Variants in MICAL2 observed in about 807,000 individuals in gnomAD.
MICAL2 encodes the protein microtubule associated monooxygenase, calponin and LIM domain containing 2.
Under a neutral mutation model 127.3 loss-of-function variants are expected in MICAL2, and 77 were observed. The ratio of observed to expected loss-of-function variants is 0.60; its 90% CI spans 0.50 to 0.73. The LOEUF (loss-of-function observed/expected upper bound fraction) is 0.73. MICAL2 is among the 30% of genes least tolerant of loss of function. MICAL2 has a pLI of 0.00. For missense variants in MICAL2, 1,351 were observed against 1,434.4 expected, an observed-to-expected ratio of 0.94 and a Z score of 0.94; for synonymous variants, 570 against 551.1, an observed-to-expected ratio of 1.03 and a Z score of -0.48.
downstream of MICAL2, among the ~76,000 whole-genome samples, chr11:12,360,119 TA>T (rs369069433): frequency 8.3e-5 from 12 of 144,874 alleles, no homozygotes; most frequent in African/African-American, 2.6e-4. Context: ...TTTTTTTTTT[TA>T]AAAAAAAAAT....
intron 1 of MICAL2, among the ~76,000 whole-genome samples, chr11:12,280,620 T>C (rs1863761457): frequency 6.6e-6 from 1 of 152,180 alleles, no homozygotes; most frequent in Non-Finnish European, 1.5e-5. Context: ...CATTTCCTCT[T>C]CTTAGAAAGA....
chr11:12,258,884 C>A (rs572809157), intron 25 of MICAL2, among the ~76,000 whole-genome samples: 10 of 152,356 alleles, frequency 6.6e-5, no homozygotes, highest in African/African-American at 2.4e-4. Context: ...TACCTGGAAC[C>A]CACCTGGCCA....
At chr11:12,158,691 A>G (rs552549443) in intron 2 of MICAL2, among the ~76,000 whole-genome samples, 93 of 152,366 alleles carry the variant, frequency 6.1e-4, no homozygotes, top group African/African-American at 1.9e-3. Flanking sequence ...ATCATTTTAT[A>G]TAAGGGACTT....
At chr11:12,223,575 TG>T in intron 12 of MICAL2, 74 bp downstream of exon 12, 1 of 1,367,786 alleles carries the variant, frequency 7.3e-7, no homozygotes, top group Non-Finnish European at 1.0e-6. Context: ...TCAGTGACCG[TG>T]GTGACACAGG....
At position 12,220,462 on chromosome 11, in the gene MICAL2, C is replaced by T. The variant is rs200883778; in HGVS notation, c.1206+4C>T. On this transcript the variant is annotated splice_donor_region_variant and intron_variant, in intron 9 of 27. Transcript: ENST00000683283. ...TGTGGGTGACAGCTTGCTTGAGGTA[C>T]TGCCTGAGCTCGGAGCCCCCATGTT... is the stretch of plus-strand genomic sequence containing the variant. The T allele has an allele frequency of 4.3e-5, 69 of 1,605,876 alleles. No homozygotes were observed. The highest frequency in any genetic ancestry group is 5.9e-6 in the Non-Finnish European group (7 of 1,179,504).
At chr11:12,327,468 C>T (rs1864367965) in intron 32 of MICAL2, among the ~76,000 whole-genome samples, 1 of 152,242 alleles carries the variant, frequency 6.6e-6, no homozygotes, top group South Asian at 2.1e-4. Context: ...AAAAATCAAA[C>T]TAGTGGCCCA....
chr11:12,294,020 T>C, downstream of MICAL2: 1 of 1,614,142 alleles, frequency 6.2e-7, no homozygotes, highest in Non-Finnish European at 8.5e-7. Flanking sequence ...TTGGAATGAC[T>C]CCATCCCTGA....
intron 1 of MICAL2, among the ~76,000 whole-genome samples, chr11:12,122,491 C>A (rs1850586984): frequency 6.6e-6 from 1 of 152,346 alleles, no homozygotes; most frequent in African/African-American, 2.4e-5. Context: ...TCACTGCAAC[C>A]TCTGCTTCCC....
At chr11:12,121,078 T>C (rs2133468931) in intron 1 of MICAL2, among the ~76,000 whole-genome samples, 1 of 152,362 alleles carries the variant, frequency 6.6e-6, no homozygotes, top group East Asian at 1.9e-4. Context: ...CAGCCCTTTT[T>C]GGAACTCCTG....
intron 29 of MICAL2, among the ~76,000 whole-genome samples, chr11:12,307,599 T>C (rs945300820): frequency 1.2e-4 from 18 of 152,354 alleles, no homozygotes; most frequent in East Asian, 3.9e-4. Flanking sequence ...TTTTTTTACA[T>C]TGCAATGAAT....
At position 12,114,729 on chromosome 11, in the gene MICAL2, A is replaced by G. The variant is rs150322914; in HGVS notation, c.-149+4003A>G. On this transcript the variant is annotated intron_variant, in intron 1 of 27. Coordinates refer to ENST00000683283, the MANE Select transcript of MICAL2 (RefSeq NM_001282663.2). ...GACTACCAGTGCATGTGCTTAGATA[A>G]GAGGTTTTAAAAAAATGACTTGCTT... is the stretch of plus-strand genomic sequence containing the variant. Among the ~76,000 whole-genome samples, 337 of 152,312 alleles carry G rather than the reference A, an allele frequency of 2.2e-3. 1 individual carries two copies. Among genetic ancestry groups the G allele is most frequent in the African/African-American group, 7.7e-3 (321 of 41,552 alleles).
chr11:12,175,376 T>C (rs1856720217), intron 3 of MICAL2, among the ~76,000 whole-genome samples: 1 of 151,948 alleles, frequency 6.6e-6, no homozygotes, highest in South Asian at 2.1e-4. Flanking sequence ...CTCAGGAGGC[T>C]AAGGCAGGAA....
chr11:12,238,101 A>T (rs1222774616), intron 16 of MICAL2, among the ~76,000 whole-genome samples: 9 of 114,100 alleles, frequency 7.9e-5, no homozygotes, highest in Admixed American at 4.9e-4. Context: ...GATCTTTTTA[A>T]AAAAAAATTA....
intron 2 of MICAL2, among the ~76,000 whole-genome samples, chr11:12,146,011 T>C (rs1420405185): frequency 2.0e-5 from 3 of 152,252 alleles, no homozygotes; most frequent in Admixed American, 1.3e-4. Context: ...GAAATCGTGA[T>C]GTGTAGAAAG....
chr11:12,255,748 C>G lies in MICAL2; in HGVS notation c.2953C>G (p.Leu985Val), dbSNP rs752465982. The G allele has an allele frequency of 6.2e-7, 1 of 1,611,762 alleles. No individual in the cohort carries two copies. The highest frequency in any genetic ancestry group is 1.3e-5 in the African/African-American group (1 of 74,976). Reference protein sequence around the residue: ...RPKAQATSPDLESMRKSFPLN... With the variant: ...RPKAQATSPDVESMRKSFPLN... ...TAAGGCCCAGGCCACCTCTCCAGAC[C>G]TGGTAAGGACATGCACCCCCAGCCT... Residue 985 changes from leucine (L) to valine (V), a missense_variant and splice_region_variant, in exon 23 of 28, where the codon CTG (leucine) becomes GTG (valine). This residue lies in a region of MICAL2 where 752 missense variants were observed against 719.4 expected (regional missense o/e 1.05). Coordinates refer to ENST00000683283, the MANE Select transcript of MICAL2 (RefSeq NM_001282663.2).
chr11:12,294,108 C>T (rs1483444161), downstream of MICAL2: 1 of 1,614,080 alleles, frequency 6.2e-7, no homozygotes, highest in South Asian at 1.1e-5. Context: ...GTGCTAAAAC[C>T]AGTCCGCCCC....
chr11:12,293,788 C>T (rs79609470), downstream of MICAL2: 1 of 1,612,332 alleles, frequency 6.2e-7, no homozygotes, highest in Non-Finnish European at 8.5e-7. Context: ...CAGCAGAGGC[C>T]CCTCTTGGGG....
intron 3 of MICAL2, among the ~76,000 whole-genome samples, chr11:12,194,961 A>T (rs896243927): frequency 6.6e-6 from 1 of 152,200 alleles, no homozygotes; most frequent in African/African-American, 2.4e-5. Context: ...CATTTTATAT[A>T]CATTTTACCT....
upstream of MICAL2, among the ~76,000 whole-genome samples, chr11:12,274,849 T>C (rs1863707622): frequency 6.6e-6 from 1 of 151,754 alleles, no homozygotes; most frequent in Admixed American, 6.6e-5. Context: ...AGCAGAGGAG[T>C]GGCATGATCT....
Sources: allele counts gnomAD v4.1 joint callset (sites outside exome capture counted in the v4.1 genomes callset), GRCh38; gene constraint gnomAD v4.1.1; regional missense constraint gnomAD v4.1.1; transcripts MANE v1.5; gene names NCBI Gene and HGNC (gene_info 2026-07-23, HGNC 2026-07-21).